Variants in MYO3B observed in about 807,000 individuals in gnomAD.
MYO3B encodes the protein myosin-IIIb.
In MYO3B, 156 loss-of-function variants were observed where a neutral mutation model predicts 174.6. The ratio of observed to expected loss-of-function variants is 0.89; its 90% confidence interval spans 0.78 to 1.02. MYO3B has a LOEUF of 1.02. Ranked by LOEUF, MYO3B falls within the 50% of genes least tolerant of loss-of-function variation. MYO3B has a pLI of 0.00. For missense variants in MYO3B, 1,632 were observed against 1,639.4 expected, an observed-to-expected ratio of 1.00 and a Z score of 0.08; for synonymous variants, 563 against 569.1, an observed-to-expected ratio of 0.99 and a Z score of 0.15.
chr2:170,216,540 G>C (rs964070652), intron 5 of MYO3B, among the ~76,000 whole-genome samples: 1 of 152,144 alleles, frequency 6.6e-6, no homozygotes, highest in African/African-American at 2.4e-5. Context: ...ATATGAAGAA[G>C]ACAGTTGGTT....
intron 25 of MYO3B, among the ~76,000 whole-genome samples, chr2:170,477,772 C>T (rs1184192223): frequency 6.6e-6 from 1 of 151,272 alleles, no homozygotes; most frequent in East Asian, 1.9e-4. Context: ...TGTCAAATGT[C>T]TCCTGAGGGG....
intron 25 of MYO3B, among the ~76,000 whole-genome samples, chr2:170,488,000 C>G (rs1686177030): frequency 6.6e-6 from 1 of 152,066 alleles, no homozygotes; most frequent in Non-Finnish European, 1.5e-5. Flanking sequence ...TCATTGAAAA[C>G]AAAAGGAAAA....
At chr2:170,410,363 C>T (rs970821707) in intron 22 of MYO3B, among the ~76,000 whole-genome samples, 2 of 151,824 alleles carry the variant, frequency 1.3e-5, no homozygotes, top group Non-Finnish European at 1.5e-5. Flanking sequence ...GGGTGGATCA[C>T]GAGGTCAGGA....
At chr2:170,523,581 A>G (rs1454113768) in intron 30 of MYO3B, among the ~76,000 whole-genome samples, 2 of 152,206 alleles carry the variant, frequency 1.3e-5, no homozygotes, top group African/African-American at 4.8e-5. Flanking sequence ...CCTCGAGACA[A>G]AAGGTCCAAA....
chr2:170,254,534 A>T (rs1228764086), intron 7 of MYO3B, among the ~76,000 whole-genome samples: 1 of 152,090 alleles, frequency 6.6e-6, no homozygotes, highest in African/African-American at 2.4e-5. Context: ...CAGAGCCACC[A>T]CTGTCCTACC....
At chr2:170,232,770 C>T (rs1265793138) in intron 6 of MYO3B, among the ~76,000 whole-genome samples, 3 of 152,160 alleles carry the variant, frequency 2.0e-5, no homozygotes, top group Non-Finnish European at 4.4e-5. Flanking sequence ...TTCCCAGGGC[C>T]TACTATCATG....
chr2:170,407,529 A>G (rs922177062), intron 21 of MYO3B, among the ~76,000 whole-genome samples, 186 bp from the exon 22 acceptor site: 5 of 147,090 alleles, frequency 3.4e-5, no homozygotes, highest in African/African-American at 9.9e-5. Flanking sequence ...CAACTAGACA[A>G]TAAGTTAAGA....
At chr2:170,442,967 G>A (rs552774492) in intron 22 of MYO3B, among the ~76,000 whole-genome samples, 152 of 152,274 alleles carry the variant, frequency 1.0e-3, no homozygotes, top group Non-Finnish European at 1.7e-3. Flanking sequence ...AAACATACAT[G>A]TGCATGTGTC....
intron 32 of MYO3B, among the ~76,000 whole-genome samples, chr2:170,569,103 T>C (rs961062854): frequency 1.4e-5 from 2 of 139,938 alleles, no homozygotes; most frequent in African/African-American, 2.7e-5. Flanking sequence ...AATAAATTTA[T>C]AAAATTGCGA....
At chr2:170,219,662 T>C (rs976450412) in intron 6 of MYO3B, among the ~76,000 whole-genome samples, 2 of 151,210 alleles carry the variant, frequency 1.3e-5, no homozygotes, top group African/African-American at 4.9e-5. Flanking sequence ...AAAAAAAATC[T>C]GTTGAATGAA....
intron 7 of MYO3B, among the ~76,000 whole-genome samples, chr2:170,277,102 C>T (rs1460383442): frequency 6.6e-6 from 1 of 152,158 alleles, no homozygotes; most frequent in South Asian, 2.1e-4. Context: ...AGCAGGCATG[C>T]AGCACCTGGG....
chr2:170,324,263 T>G (rs917944034), intron 7 of MYO3B, among the ~76,000 whole-genome samples: 2 of 152,182 alleles, frequency 1.3e-5, no homozygotes, highest in Non-Finnish European at 2.9e-5. Context: ...TTTTTCTACA[T>G]TTTTATTCTT....
chr2:170,328,004 C>T lies in MYO3B; in HGVS notation c.750-7381C>T, dbSNP rs1181656002. ...GCAGCCCCGACCTCCCAGGTTCAGA[C>T]GATCCTCCTGCCTCAGCCTCCCAAG... On this transcript the variant is annotated intron_variant, in intron 7 of 34. Transcript: ENST00000408978. Among the ~76,000 whole-genome samples, 6 of 151,884 alleles carry T rather than the reference C, an allele frequency of 4.0e-5. No individual in the cohort carries two copies. In the South Asian group the frequency reaches 8.3e-4, roughly 21 times the overall value.
chr2:170,509,928 C>G (rs1305446084), intron 28 of MYO3B, among the ~76,000 whole-genome samples: 1 of 152,194 alleles, frequency 6.6e-6, no homozygotes, highest in Non-Finnish European at 1.5e-5. Flanking sequence ...TGAACGACAG[C>G]CGTTTGGCCG....
intron 8 of MYO3B, among the ~76,000 whole-genome samples, chr2:170,360,270 A>G (rs2094151164): frequency 1.3e-5 from 2 of 152,168 alleles, no homozygotes; most frequent in Non-Finnish European, 1.5e-5. Context: ...AAGAAATACA[A>G]TTCATGTGTC....
At chr2:170,224,612 G>A (rs759337664) in intron 6 of MYO3B, among the ~76,000 whole-genome samples, 2 of 151,840 alleles carry the variant, frequency 1.3e-5, no homozygotes, top group African/African-American at 2.4e-5. Flanking sequence ...TTGCAATTCC[G>A]CCATGCATTA....
intron 32 of MYO3B, among the ~76,000 whole-genome samples, chr2:170,638,053 A>G (rs1697659692): frequency 6.6e-6 from 1 of 151,624 alleles, no homozygotes; most frequent in African/African-American, 2.4e-5. Flanking sequence ...TTGGTCTACT[A>G]CTGACATTCT....
At chr2:170,362,417 C>T (rs2094168460) in intron 8 of MYO3B, among the ~76,000 whole-genome samples, 1 of 152,132 alleles carries the variant, frequency 6.6e-6, no homozygotes, top group Admixed American at 6.5e-5. Flanking sequence ...TTTATCTTTC[C>T]AACCTTGCCC....
Position 170,424,043 on chromosome 2 carries a change from G to A in MYO3B, c.2650+16199G>A, listed in dbSNP as rs11682906. On this transcript the variant is annotated intron_variant, in intron 22 of 34. Transcript: ENST00000408978. ...AATAAGATTTCCATGACCAAAAAGCGTGGGGAAGGAACATTGTTTATGAAT... is the reference window on the plus strand; with the variant it reads ...AATAAGATTTCCATGACCAAAAAGCATGGGGAAGGAACATTGTTTATGAAT... Among the ~76,000 whole-genome samples, 1,395 of 152,320 alleles carry A rather than the reference G, an allele frequency of 9.2e-3. 10 individuals carry two copies. Among genetic ancestry groups the A allele is most frequent in the Non-Finnish European group, 0.015 (1,037 of 68,030 alleles).
Sources: allele counts gnomAD v4.1 joint callset (sites outside exome capture counted in the v4.1 genomes callset), GRCh38; gene constraint gnomAD v4.1.1; transcripts MANE v1.5; gene names NCBI Gene and HGNC (gene_info 2026-07-23, HGNC 2026-07-21).